Variants in NF1 observed in about 807,000 individuals in gnomAD.
NF1 encodes neurofibromin.
A neutral mutation model predicts 325.7 loss-of-function variants in NF1; 122 were observed. That is an observed-to-expected ratio of 0.37 (90% CI 0.32 to 0.44). The LOEUF is 0.44. Among genes scored for constraint, NF1 ranks in the 20% least tolerant of loss-of-function variants. The pLI, the probability that NF1 is intolerant of heterozygous loss-of-function variation, is 1.00. For missense variants in NF1, 2,140 were observed against 3,415.4 expected, an observed-to-expected ratio of 0.63 and a Z score of 9.31; for synonymous variants, 1,091 against 1,186.0, an observed-to-expected ratio of 0.92 and a Z score of 1.65.
At position 31,260,249 on chromosome 17, in the gene NF1, A is replaced by G; in HGVS notation, c.4431-120A>G. 2.8e-6 allele frequency: 3 copies of G among 1,066,140 alleles called. No individual in the cohort carries two copies. The South Asian group carries it at 3.9e-5, about 14-fold the overall frequency. The allele number at this position is 1,066,140 out of a possible 1,614,324, so 66.0% of individuals were successfully genotyped here. ...TCTAATGTCAAGTCACATTGTGTGA[A>G]CAAGCCCTCCATATTTGTAATCTTA... is the stretch of plus-strand genomic sequence containing the variant. On this transcript the variant is annotated intron_variant, in intron 33 of 57. Transcript: ENST00000358273.
intron 1 of NF1, among the ~76,000 whole-genome samples, chr17:31,102,130 A>G (rs1912394651): frequency 6.6e-6 from 1 of 152,216 alleles, no homozygotes; most frequent in African/African-American, 2.4e-5. Flanking sequence ...GAGTAAGAAA[A>G]TTAGCATAAA....
rs1360260301 is a variant in NF1 at position 31,187,484 on chromosome 17, T to C, written c.888+4819T>C. Among the ~76,000 whole-genome samples, 7 of 152,188 alleles carry C rather than the reference T, an allele frequency of 4.6e-5. No individual in the cohort carries two copies. In the South Asian group the frequency reaches 6.2e-4, roughly 13 times the overall value. ...GTCTAGGATTACAGGCATGAGCCAATGTGCCTGGCCACACTGGTCTTAACC... is the reference window on the plus strand; with the variant it reads ...GTCTAGGATTACAGGCATGAGCCAACGTGCCTGGCCACACTGGTCTTAACC... On this transcript the variant is annotated intron_variant, in intron 8 of 57. Coordinates refer to ENST00000358273, the MANE Select transcript of NF1 (RefSeq NM_001042492.3).
chr17:31,153,241 ATAACT>A (rs1242409413), intron 1 of NF1, among the ~76,000 whole-genome samples: 3 of 152,254 alleles, frequency 2.0e-5, no homozygotes, highest in Non-Finnish European at 4.4e-5. Context: ...TTATTTAATA[ATAACT>A]TAAATAAACT....
intron 7 of NF1, 141 bp downstream of exon 7, chr17:31,181,926 A>G: frequency 1.5e-6 from 1 of 679,218 alleles, no homozygotes; most frequent in Non-Finnish European, 2.6e-6. Context: ...TCAAATAGGA[A>G]ATACTGTTTT....
intron 4 of NF1, among the ~76,000 whole-genome samples, chr17:31,169,452 T>C (rs1034168592): frequency 3.9e-5 from 6 of 152,238 alleles, no homozygotes; most frequent in Non-Finnish European, 8.8e-5. Flanking sequence ...AAATATTTAT[T>C]GCCTTATTTT....
At chr17:31,245,871 G>T (rs17883645) in intron 29 of NF1, among the ~76,000 whole-genome samples, 168 of 152,264 alleles carry the variant, frequency 1.1e-3, no homozygotes, top group African/African-American at 3.8e-3. Flanking sequence ...CTCCTTGGAG[G>T]TTGGGGAGTG....
intron 35 of NF1, among the ~76,000 whole-genome samples, chr17:31,263,148 TA>T (rs2067724303): frequency 2.7e-5 from 4 of 150,920 alleles, no homozygotes; most frequent in African/African-American, 9.8e-5. Context: ...ATAAGATAGA[TA>T]AGATAGATAG....
intron 1 of NF1, among the ~76,000 whole-genome samples, chr17:31,134,570 T>C (rs1915620176): frequency 6.6e-6 from 1 of 152,250 alleles, no homozygotes; most frequent in South Asian, 2.1e-4. Context: ...CATTAGTGGC[T>C]GAACTGAGTG....
At chr17:31,236,069 TTG>T (rs753038830) in intron 29 of NF1, 48 bp downstream of exon 29, 30 of 1,284,142 alleles carry the variant, frequency 2.3e-5, no homozygotes, top group Non-Finnish European at 3.0e-5. Context: ...TTTTTTTTTT[TTG>T]TTTGTTTGTT....
At chr17:31,176,132 CCCA>C (rs1310736670) in intron 5 of NF1, among the ~76,000 whole-genome samples, 3 of 152,214 alleles carry the variant, frequency 2.0e-5, no homozygotes, top group Admixed American at 6.5e-5. Flanking sequence ...AATTTACACT[CCCA>C]CCAACAGTGT....
At chr17:31,366,853 T>C (rs1405201659) in intron 57 of NF1, among the ~76,000 whole-genome samples, 1 of 152,244 alleles carries the variant, frequency 6.6e-6, no homozygotes, top group Admixed American at 6.5e-5. Context: ...GACCTTTTTT[T>C]CTTGATTTGT....
chr17:31,285,908 T>C (rs1187711519), intron 36 of NF1, among the ~76,000 whole-genome samples: 4 of 152,174 alleles, frequency 2.6e-5, no homozygotes, highest in Non-Finnish European at 5.9e-5. Flanking sequence ...GATGGTATCA[T>C]TGGAGTAAAA....
At position 31,147,434 on chromosome 17, in the gene NF1, A is replaced by G. The variant is rs1916656881; in HGVS notation, c.61-8549A>G. 2.0e-5 allele frequency among the ~76,000 whole-genome samples: 3 copies of G among 152,216 alleles called. No homozygotes were observed. The South Asian group carries it at 6.2e-4, about 32-fold the overall frequency. On this transcript the variant is annotated intron_variant, in intron 1 of 57. Coordinates refer to ENST00000358273, the MANE Select transcript of NF1 (RefSeq NM_001042492.3). Reference sequence around the variant, plus strand: ...TCATGGTATGACTATACCAGTTTTTAAAAACCATTTCTGCTATTAACATTT... The same window carrying G: ...TCATGGTATGACTATACCAGTTTTTGAAAACCATTTCTGCTATTAACATTT...
intron 3 of NF1, among the ~76,000 whole-genome samples, chr17:31,161,870 T>G (rs1489150536): frequency 1.3e-5 from 2 of 151,448 alleles, no homozygotes; most frequent in Admixed American, 1.3e-4. Context: ...ACCCCATATC[T>G]GCTAAAAATA....
intron 1 of NF1, chr17:31,137,991 T>C (rs889801335): frequency 6.6e-6 from 1 of 152,150 alleles, no homozygotes; most frequent in African/African-American, 2.4e-5. Flanking sequence ...AATTTTTTTT[T>C]ATTTGTCCTT....
intron 57 of NF1, among the ~76,000 whole-genome samples, chr17:31,365,278 C>CAAAAAA (rs67659795): frequency 0.07 from 7,056 of 100,320 alleles, 292 homozygotes; most frequent in Admixed American, 0.1. Flanking sequence ...GAACCTATCT[C>CAAAAAA]AAAAAAAAAA....
chr17:31,334,072 G>A (rs1004483414), intron 39 of NF1, among the ~76,000 whole-genome samples: 1 of 152,136 alleles, frequency 6.6e-6, no homozygotes. Context: ...AGATCACGAG[G>A]TCAGGAGATT....
chr17:31,223,376 T>C, intron 15 of NF1, 68 bp from the exon 16 acceptor site: 3 of 1,570,384 alleles, frequency 1.9e-6, no homozygotes, highest in Non-Finnish European at 2.6e-6. Flanking sequence ...AATGCCATTC[T>C]TATGTCTGGT....
intron 40 of NF1, among the ~76,000 whole-genome samples, chr17:31,335,411 G>T (rs2069641547): frequency 1.4e-5 from 2 of 147,416 alleles, no homozygotes; most frequent in Admixed American, 1.4e-4. Context: ...CATTCCAAAG[G>T]TGTCAGTAGA....
Sources: gnomAD v4.1 joint callset for allele counts (sites outside exome capture counted in the v4.1 genomes callset) on GRCh38, gnomAD v4.1.1 for gene constraint, MANE v1.5 for transcripts, NCBI Gene and HGNC (gene_info 2026-07-23, HGNC 2026-07-21) for gene names.